Variants in GINM1 observed in about 807,000 individuals in gnomAD.
GINM1 encodes the protein glycosylated integral membrane protein 1, also known as glycoprotein integral membrane protein 1.
Under a neutral mutation model 37.8 loss-of-function variants are expected in GINM1, and 29 were observed. The observed-to-expected ratio is 0.77, with a 90% confidence interval of 0.57 to 1.05. The LOEUF is 1.05. Among genes scored for constraint, GINM1 ranks in the 50% least tolerant of loss-of-function variants. GINM1 has a pLI of 0.00. For synonymous variants in GINM1, 143 were observed against 146.2 expected (o/e 0.98, Z 0.16); for missense variants, 377 against 397.9 (o/e 0.95, Z 0.45).
At chr6:149,570,535 A>G (rs538747082) in intron 1 of GINM1, among the ~76,000 whole-genome samples, 5 of 71,300 alleles carry the variant, frequency 7.0e-5, no homozygotes, top group South Asian at 5.6e-4. Flanking sequence ...GAAGTGAACC[A>G]AAGTCACCCT....
chr6:149,585,457 A>G (rs1486742881), intron 7 of GINM1, among the ~76,000 whole-genome samples: 2 of 152,354 alleles, frequency 1.3e-5, no homozygotes, highest in East Asian at 3.9e-4. Context: ...TAATTGTTCT[A>G]CATTGCATTT....
intron 3 of GINM1, among the ~76,000 whole-genome samples, chr6:149,575,003 T>A (rs1190304573): frequency 6.6e-6 from 1 of 152,256 alleles, no homozygotes; most frequent in East Asian, 1.9e-4. Flanking sequence ...TTTTAACTCT[T>A]TGTGTTCTTA....
intron 7 of GINM1, among the ~76,000 whole-genome samples, chr6:149,586,317 C>T (rs1458056602): frequency 6.6e-6 from 1 of 152,112 alleles, no homozygotes; most frequent in Non-Finnish European, 1.5e-5. Flanking sequence ...CTCTTTTTAA[C>T]AACCAGGTCT....
chr6:149,580,858 T>C (rs993146955), intron 6 of GINM1, 135 bp downstream of exon 6: 2 of 665,334 alleles, frequency 3.0e-6, no homozygotes, highest in African/African-American at 3.7e-5. Flanking sequence ...CATCTTGGTC[T>C]TAATGTGATA....
chr6:149,567,551 G>A (rs112331188), intron 1 of GINM1, among the ~76,000 whole-genome samples: 1 of 152,306 alleles, frequency 6.6e-6, no homozygotes, highest in African/African-American at 2.4e-5. Context: ...GGAGACAGGA[G>A]AATTGCTTGA....
chr6:149,580,732 A>G lies in GINM1; in HGVS notation c.717+9A>G. On this transcript the variant is annotated intron_variant, in intron 6 of 7. Transcript: ENST00000367419. ...CGCCATCTTCATATAAGGTAAATCA[A>G]GTATTTGGTGTTATCATAAGCATTC... The G allele has an allele frequency of 6.3e-7, 1 of 1,599,240 alleles. No homozygotes were observed. The highest frequency in any genetic ancestry group is 1.1e-5 in the South Asian group (1 of 90,744).
intron 3 of GINM1, chr6:149,577,278 A>T (rs1360649166): frequency 1.3e-5 from 2 of 152,272 alleles, no homozygotes; most frequent in South Asian, 4.1e-4. Flanking sequence ...GCTTACGGAC[A>T]TGCTGACACA....
chr6:149,569,077 G>T (rs1292475799), intron 1 of GINM1, among the ~76,000 whole-genome samples: 4 of 151,950 alleles, frequency 2.6e-5, no homozygotes, highest in Non-Finnish European at 5.9e-5. Flanking sequence ...TCCCAGGCTG[G>T]AGTGCACTGG....
Position 149,580,701 on chromosome 6 carries a change from C to A in GINM1, c.695C>A (p.Ala232Glu), listed in dbSNP as rs1463109159. 6.2e-7 allele frequency: 1 copy of A among 1,613,666 alleles called. No homozygotes were observed. Among genetic ancestry groups the A allele is most frequent in the Non-Finnish European group, 8.5e-7 (1 of 1,179,696 alleles). The change falls in exon 6 of 8, where the codon GCA (alanine) becomes GAA (glutamate). Residue 232 changes from alanine to glutamate, a missense_variant. Transcript: ENST00000367419. ...PGKLPETPLRAEPPSSYKVMC... is the reference protein window; with the variant it reads ...PGKLPETPLREEPPSSYKVMC... ...AAGTTACCTGAAACTCCTCTCAGAG[C>A]AGAGCCGCCATCTTCATATAAGGTA...
At position 149,591,712 on chromosome 6, in the gene GINM1, TAAAATA is replaced by T. The variant is rs1260930096; in HGVS notation, c.*877_*882del. ...AAAGTAGTATGACATGTTCTCACTCTAAAATAAACTTTTTTTTTTTTTTTTTGAGGA... is the reference window on the plus strand; with the variant it reads ...AAAGTAGTATGACATGTTCTCACTCTAACTTTTTTTTTTTTTTTTTGAGGA... On this transcript the variant is annotated 3_prime_UTR_variant, in exon 8 of 8. Transcript: ENST00000367419. 7.0e-6 allele frequency: 1 copy of T among 141,956 alleles called. No individual in the cohort carries two copies. The highest frequency in any genetic ancestry group is 2.3e-4 in the East Asian group (1 of 4,376). 8.8% of individuals were successfully genotyped at this position (141,956 alleles called of 1,614,324 possible). A position where few individuals can be genotyped will look rare whatever the true frequency, so the allele number is the denominator to read the frequency against.
rs113528734 is a variant in GINM1, at chr6:149,591,291, CA to C, written c.*465del. The C allele has an allele frequency of 1.0e-3, 137 of 136,224 alleles. No homozygotes were observed. Among genetic ancestry groups the C allele is most frequent in the Non-Finnish European group, 1.2e-3 (73 of 62,250 alleles). 8.4% of individuals were successfully genotyped at this position (136,224 alleles called of 1,614,324 possible). ...TGGGTGACAGAGCGAGACTCTGTTT[CA>C]AAAAAAAAAAAGTTGACCTTATTCT... On this transcript the variant is annotated 3_prime_UTR_variant, in exon 8 of 8. Transcript: ENST00000367419.
At chr6:149,583,627 C>CG (rs1156641676) in intron 7 of GINM1, among the ~76,000 whole-genome samples, 40 of 132,888 alleles carry the variant, frequency 3.0e-4, no homozygotes, top group African/African-American at 1.2e-3. Flanking sequence ...AACTCCCTCT[C>CG]GAAAAAAAAA....
chr6:149,588,609 A>T (rs1215759055), intron 7 of GINM1, among the ~76,000 whole-genome samples: 1 of 152,072 alleles, frequency 6.6e-6, no homozygotes, highest in Non-Finnish European at 1.5e-5. Context: ...TCTTAAAATT[A>T]TGGGGCTTTT....
chr6:149,569,633 C>T lies in GINM1; in HGVS notation c.121-2652C>T, dbSNP rs542284148. The stretch of plus-strand genomic sequence containing the variant: ...GATTACAGGCATGAGCCACCATGCC[C>T]GACCGAAAAATAAAAGTCTTTATAG... On this transcript the variant is annotated intron_variant, in intron 1 of 7. Transcript: ENST00000367419. Among the ~76,000 whole-genome samples the T allele has an allele frequency of 1.4e-4, 21 of 152,188 alleles. 1 individual carries two copies. In the South Asian group the frequency reaches 3.3e-3, roughly 24 times the overall value.
intron 3 of GINM1, among the ~76,000 whole-genome samples, chr6:149,576,490 C>T (rs140376466): frequency 6.6e-6 from 1 of 152,270 alleles, no homozygotes; most frequent in Non-Finnish European, 1.5e-5. Flanking sequence ...TTGGCTCATG[C>T]CTGTAATCCC....
chr6:149,572,428 T>C (rs1777841991), intron 2 of GINM1, 79 bp from the exon 3 acceptor site: 2 of 1,253,570 alleles, frequency 1.6e-6, no homozygotes, highest in Non-Finnish European at 2.3e-6. Flanking sequence ...ACGTCTCATT[T>C]AGTTAATCTT....
At chr6:149,585,543 C>G (rs1778057265) in intron 7 of GINM1, among the ~76,000 whole-genome samples, 1 of 151,724 alleles carries the variant, frequency 6.6e-6, no homozygotes, top group African/African-American at 2.4e-5. Flanking sequence ...TTTTTAATGC[C>G]CCTATACTTA....
chr6:149,578,809 T>C lies in GINM1; in HGVS notation c.278-13T>C. ...ATCTTTGTTCAAAGGTGTCACTACT[T>C]TTTTTTTTATAGTGAAGAATGAAAA... On this transcript the variant is annotated splice_polypyrimidine_tract_variant and intron_variant, in intron 3 of 7. Coordinates refer to ENST00000367419, the MANE Select transcript of GINM1 (RefSeq NM_138785.5). The C allele has an allele frequency of 6.6e-7, 1 of 1,518,654 alleles. No individual in the cohort carries two copies. Among genetic ancestry groups the C allele is most frequent in the Non-Finnish European group, 9.0e-7 (1 of 1,111,864 alleles). 94.1% of individuals were successfully genotyped at this position (1,518,654 alleles called of 1,614,324 possible). A position where few individuals can be genotyped will look rare whatever the true frequency, so the allele number is the denominator to read the frequency against.
At chr6:149,569,050 G>T (rs1777767855) in intron 1 of GINM1, among the ~76,000 whole-genome samples, 3 of 149,214 alleles carry the variant, frequency 2.0e-5, no homozygotes, top group African/African-American at 7.4e-5. Flanking sequence ...ATTTTTGAGA[G>T]AGAGTCTCAC....
Sources: gnomAD v4.1 joint callset for allele counts (sites outside exome capture counted in the v4.1 genomes callset) on GRCh38, gnomAD v4.1.1 for gene constraint, MANE v1.5 for transcripts, NCBI Gene and HGNC (gene_info 2026-07-23, HGNC 2026-07-21) for gene names.